CHLSN: variants seen among roughly 807,000 people sequenced by gnomAD.
CHLSN encodes protein cholesin.
chr7:1,133,987 T>C, the CHLSN span, among the ~76,000 whole-genome samples: 1 of 152,128 alleles, frequency 6.6e-6, no homozygotes, highest in Non-Finnish European at 1.5e-5. Context: ...GTATTTTTTG[T>C]GGGAATGGGG....
chr7:985,080 G>A, the CHLSN span: 3 of 1,612,346 alleles, frequency 1.9e-6, no homozygotes, highest in Admixed American at 5.0e-5. Context: ...GCCTCTCTGG[G>A]CAGCTGGATG....
the CHLSN span, among the ~76,000 whole-genome samples, chr7:985,624 CG>C: frequency 3.1e-4 from 47 of 152,260 alleles, no homozygotes; most frequent in South Asian, 9.5e-3. Context: ...CCCAGAATTG[CG>C]GGGGGCTCCA....
chr7:1,111,071 G>A, the CHLSN span, among the ~76,000 whole-genome samples: 1 of 152,090 alleles, frequency 6.6e-6, no homozygotes, highest in Non-Finnish European at 1.5e-5. Context: ...GCGAGACTCC[G>A]TCTCAAAAGA....
chr7:1,030,270 C>T, the CHLSN span, among the ~76,000 whole-genome samples: 1 of 152,216 alleles, frequency 6.6e-6, no homozygotes, highest in African/African-American at 2.4e-5. Context: ...CATATGCCGT[C>T]TTCACCAACG....
the CHLSN span, among the ~76,000 whole-genome samples, chr7:1,132,657 G>A: frequency 7.1e-6 from 1 of 140,374 alleles, no homozygotes; most frequent in African/African-American, 2.7e-5. Context: ...TTATGCCACT[G>A]CAACCCAGCC....
At chr7:1,059,690 G>A in the CHLSN span, among the ~76,000 whole-genome samples, 4 of 146,596 alleles carry the variant, frequency 2.7e-5, no homozygotes, top group African/African-American at 5.0e-5. Context: ...TCCGTAGTGG[G>A]GCGGGTCTGT....
the CHLSN span, chr7:984,318 C>T: frequency 6.8e-7 from 1 of 1,467,896 alleles, no homozygotes; most frequent in Non-Finnish European, 9.0e-7. Flanking sequence ...TTCCCTCTGT[C>T]CCCACCCCTA....
chr7:1,099,276 G>A, the CHLSN span, among the ~76,000 whole-genome samples: 12 of 152,140 alleles, frequency 7.9e-5, no homozygotes, highest in Non-Finnish European at 1.3e-4. Flanking sequence ...CCGGAGCCTC[G>A]CTGGTCTCTG....
chr7:1,026,761 G>A, the CHLSN span: 3 of 152,240 alleles, frequency 2.0e-5, no homozygotes, highest in Admixed American at 6.5e-5. Context: ...TGCAGAAGGC[G>A]AGGCTCCCGT....
chr7:1,021,663 G>A, the CHLSN span: 1 of 802,564 alleles, frequency 1.2e-6, no homozygotes, highest in Non-Finnish European at 1.5e-6. Context: ...GTGCCCTCTG[G>A]GAACCCCGGC....
chr7:1,027,951 G>C, the CHLSN span, among the ~76,000 whole-genome samples: 1 of 152,160 alleles, frequency 6.6e-6, no homozygotes, highest in African/African-American at 2.4e-5. Context: ...TCGAGGGCTC[G>C]CAGTGCCTGC....
the CHLSN span, among the ~76,000 whole-genome samples, chr7:992,217 G>A: frequency 6.6e-6 from 1 of 152,206 alleles, no homozygotes. Flanking sequence ...TCCAGGGAAG[G>A]ACCCTCCTGG....
the CHLSN span, among the ~76,000 whole-genome samples, chr7:1,072,691 T>C: frequency 6.8e-6 from 1 of 146,554 alleles, no homozygotes; most frequent in Non-Finnish European, 1.5e-5. Flanking sequence ...TTTTTTTTTT[T>C]TTTTTTTTGA....
the CHLSN span, among the ~76,000 whole-genome samples, chr7:1,111,136 T>C: frequency 6.6e-6 from 1 of 152,266 alleles, no homozygotes; most frequent in Non-Finnish European, 1.5e-5. Context: ...TGCTTTGCAG[T>C]CTGCCTGTCT....
At chr7:1,129,573 G>A in the CHLSN span, among the ~76,000 whole-genome samples, 1 of 152,228 alleles carries the variant, frequency 6.6e-6, no homozygotes, top group South Asian at 2.1e-4. Flanking sequence ...AGCCTCCTGA[G>A]CAGCTGTAAC....
chr7:1,120,570 G>C, the CHLSN span, among the ~76,000 whole-genome samples: 1 of 152,208 alleles, frequency 6.6e-6, no homozygotes, highest in African/African-American at 2.4e-5. Flanking sequence ...TGAGATTACA[G>C]GCACGAGCCA....
At chr7:985,787 T>C in the CHLSN span, among the ~76,000 whole-genome samples, 1 of 152,176 alleles carries the variant, frequency 6.6e-6, no homozygotes, top group Admixed American at 6.5e-5. Flanking sequence ...TTGGTCCTCA[T>C]GGTATTTGAT....
chr7:1,109,129 T>G, the CHLSN span, among the ~76,000 whole-genome samples: 1 of 152,034 alleles, frequency 6.6e-6, no homozygotes, highest in East Asian at 1.9e-4. Context: ...ATTCCTGACC[T>G]CAGGTGATCC....
chr7:1,113,439 G>C, the CHLSN span, among the ~76,000 whole-genome samples: 7 of 152,178 alleles, frequency 4.6e-5, no homozygotes, highest in African/African-American at 1.7e-4. Flanking sequence ...TTCCTGTTCG[G>C]AGCAGGTGTG....
Sources: gnomAD v4.1 joint callset for allele counts (sites outside exome capture counted in the v4.1 genomes callset) on GRCh38, gnomAD v4.1.1 for gene constraint, MANE v1.5 for transcripts, NCBI Gene and HGNC (gene_info 2026-07-23, HGNC 2026-07-21) for gene names.